Variants in AFTPH observed in about 807,000 individuals in gnomAD.
AFTPH encodes the protein aftiphilin protein.
AFTPH carries 7 observed loss-of-function variants against 72.5 expected under a neutral mutation model. That is an observed-to-expected ratio of 0.10 (90% CI 0.05 to 0.18). The LOEUF is 0.18. AFTPH is among the 10% of genes least tolerant of loss of function. The pLI, the probability that AFTPH is intolerant of heterozygous loss-of-function variation, is 1.00. For missense variants in AFTPH, 979 were observed against 1,060.5 expected, an observed-to-expected ratio of 0.92 and a Z score of 1.07; for synonymous variants, 337 against 370.1, an observed-to-expected ratio of 0.91 and a Z score of 1.03.
At chr2:64,590,177 C>T (rs1328126233) in intron 8 of AFTPH, among the ~76,000 whole-genome samples, 1 of 152,092 alleles carries the variant, frequency 6.6e-6, no homozygotes, top group Non-Finnish European at 1.5e-5. Flanking sequence ...TCCCTTTTAA[C>T]CTAGCATATC....
chr2:64,570,484 T>A (rs1672347012), intron 5 of AFTPH, among the ~76,000 whole-genome samples: 1 of 152,228 alleles, frequency 6.6e-6, no homozygotes. Context: ...TGATTTTGAA[T>A]TGGAACATTT....
chr2:64,533,176 T>C (rs1669718588), intron 1 of AFTPH, among the ~76,000 whole-genome samples: 1 of 152,056 alleles, frequency 6.6e-6, no homozygotes, highest in African/African-American at 2.4e-5. Context: ...GGTGGGTGGA[T>C]TGCTTGAGCT....
At chr2:64,581,420 A>G in intron 7 of AFTPH, 147 bp downstream of exon 8, 1 of 641,202 alleles carries the variant, frequency 1.6e-6, no homozygotes, top group Non-Finnish European at 2.4e-6. Flanking sequence ...GTTATTTTCT[A>G]GTATCTGATT....
chr2:64,553,528 GT>G, intron 2 of AFTPH, 119 bp downstream of exon 2: 1 of 1,074,708 alleles, frequency 9.3e-7, no homozygotes, highest in Non-Finnish European at 1.3e-6. Context: ...TCGTTATGAT[GT>G]ATAATGCCTG....
intron 7 of AFTPH, among the ~76,000 whole-genome samples, chr2:64,582,556 T>C (rs2104207882): frequency 6.6e-6 from 1 of 152,350 alleles, no homozygotes; most frequent in Non-Finnish European, 1.5e-5. Flanking sequence ...AAATTACTTC[T>C]AAATTTACAT....
chr2:64,576,118 C>CGTGT (rs1553404164), intron 6 of AFTPH, among the ~76,000 whole-genome samples: 6,551 of 137,014 alleles, frequency 0.048, 505 homozygotes, highest in African/African-American at 0.15. Context: ...CACACACACA[C>CGTGT]GTGTGTCATA....
rs548741979 is a variant in AFTPH, at chr2:64,540,292, C to T, written c.-32-11151C>T. Among the ~76,000 whole-genome samples, 15 of 152,236 alleles carry T rather than the reference C, an allele frequency of 9.9e-5. No individual in the cohort carries two copies. In the South Asian group the frequency reaches 2.5e-3, roughly 25 times the overall value. ...AATCCATCCATCCTCGTGGATGCTT[C>T]CATTTTGTTGCCCTTGTTATCAATA... On this transcript the variant is annotated intron_variant, in intron 1 of 8. Coordinates refer to ENST00000238856, the Ensembl canonical transcript of AFTPH.
intron 1 of AFTPH, among the ~76,000 whole-genome samples, chr2:64,547,959 T>G (rs1035670435): frequency 4.6e-5 from 7 of 150,882 alleles, no homozygotes; most frequent in Admixed American, 3.3e-4. Flanking sequence ...TAATATTTTG[T>G]TTTTTTTGTA....
exon 2 of AFTPH, chr2:64,552,442 A>G: frequency 1.9e-6 from 3 of 1,614,140 alleles, no homozygotes; most frequent in Non-Finnish European, 1.7e-6. Flanking sequence ...CTGCAACAGG[A>G]TGAATTTTTA....
chr2:64,535,284 AGTATCATCTTCG>A (rs148634786), intron 1 of AFTPH, among the ~76,000 whole-genome samples: 3,640 of 152,322 alleles, frequency 0.024, 135 homozygotes, highest in African/African-American at 0.083. Context: ...TAACCCATTT[AGTATCATCTTCG>A]AAACTTTTAA....
intron 1 of AFTPH, among the ~76,000 whole-genome samples, chr2:64,547,205 G>T (rs113320895): frequency 6.6e-6 from 1 of 152,152 alleles, no homozygotes; most frequent in Non-Finnish European, 1.5e-5. Flanking sequence ...CAAGTGCTGC[G>T]TTTACTTCTC....
chr2:64,579,598 C>T, intron 7 of AFTPH, 52 bp downstream of exon 7: 1 of 1,501,570 alleles, frequency 6.7e-7, no homozygotes, highest in Non-Finnish European at 9.2e-7. Flanking sequence ...AAGAAAGCTA[C>T]AAAGTTCAGA....
chr2:64,535,772 G>A (rs79834680), intron 1 of AFTPH, among the ~76,000 whole-genome samples: 4 of 52,530 alleles, frequency 7.6e-5, no homozygotes, highest in Non-Finnish European at 1.3e-4. Flanking sequence ...AAGAAATGAC[G>A]TGTGACAACT....
chr2:64,542,416 T>C (rs1300375926), intron 1 of AFTPH, among the ~76,000 whole-genome samples: 1 of 152,210 alleles, frequency 6.6e-6, no homozygotes, highest in Non-Finnish European at 1.5e-5. Flanking sequence ...ACCTTCTAAA[T>C]TCTTGTGGTT....
intron 3 of AFTPH, 26 bp from the exon 4 acceptor site, chr2:64,569,066 T>C: frequency 6.2e-7 from 1 of 1,613,704 alleles, no homozygotes; most frequent in Non-Finnish European, 8.5e-7. Context: ...AACCTGTTGT[T>C]GATGGCTTCA....
At chr2:64,544,065 A>G (rs1034232015) in intron 1 of AFTPH, among the ~76,000 whole-genome samples, 2 of 152,100 alleles carry the variant, frequency 1.3e-5, no homozygotes, top group African/African-American at 4.8e-5. Flanking sequence ...TGGACCTTCT[A>G]TGCCAGAATT....
chr2:64,576,372 C>G (rs960583782), intron 6 of AFTPH, among the ~76,000 whole-genome samples: 13 of 152,112 alleles, frequency 8.5e-5, no homozygotes, highest in South Asian at 4.2e-4. Flanking sequence ...CTGTCCTATC[C>G]CAATTTTGGT....
At chr2:64,536,008 G>A (rs1459589996) in intron 1 of AFTPH, among the ~76,000 whole-genome samples, 1 of 152,206 alleles carries the variant, frequency 6.6e-6, no homozygotes, top group South Asian at 2.1e-4. Context: ...TTGTGGTAGA[G>A]GGGGAGCGGT....
At chr2:64,544,940 GC>G (rs532373149) in intron 1 of AFTPH, among the ~76,000 whole-genome samples, 111 of 152,206 alleles carry the variant, frequency 7.3e-4, no homozygotes, top group Non-Finnish European at 1.3e-3. Context: ...ACTCTAGAAG[GC>G]CAATAAAGCC....
Sources: allele counts gnomAD v4.1 joint callset (sites outside exome capture counted in the v4.1 genomes callset), GRCh38; gene constraint gnomAD v4.1.1; transcripts MANE v1.5; gene names NCBI Gene and HGNC (gene_info 2026-07-23, HGNC 2026-07-21).